Variants in EPRS1 observed in about 807,000 individuals in gnomAD.
The protein encoded by EPRS1 is glutamyl-prolyl-tRNA synthetase 1.
EPRS1 carries 107 observed loss-of-function variants against 188.3 expected under a neutral mutation model. That is an observed-to-expected ratio of 0.57 (90% confidence interval 0.49 to 0.67). The LOEUF (loss-of-function observed/expected upper bound fraction) is 0.67, where lower values mean the gene tolerates loss of function less well. Among genes scored for constraint, EPRS1 ranks in the 30% least tolerant of loss-of-function variants. The pLI is 0.00. For missense variants in EPRS1, 1,577 were observed against 1,802.2 expected, an observed-to-expected ratio of 0.88 and a Z score of 2.26; for synonymous variants, 596 against 593.1, an observed-to-expected ratio of 1.00 and a Z score of -0.07.
chr1:220,036,470 G>A (rs1275866564), intron 2 of EPRS1, among the ~76,000 whole-genome samples: 1 of 151,098 alleles, frequency 6.6e-6, no homozygotes, highest in East Asian at 1.9e-4. Flanking sequence ...AAGAAAATGT[G>A]GTACATATAT....
chr1:220,029,402 A>C (rs942958776), intron 6 of EPRS1, among the ~76,000 whole-genome samples: 4 of 152,220 alleles, frequency 2.6e-5, no homozygotes, highest in African/African-American at 9.6e-5. Flanking sequence ...GCAGAGACAA[A>C]ATGTGAAATT....
At chr1:220,003,711 C>T (rs1428485251) in intron 16 of EPRS1, among the ~76,000 whole-genome samples, 2 of 152,078 alleles carry the variant, frequency 1.3e-5, no homozygotes, top group African/African-American at 2.4e-5. Context: ...TTGGTGGTAC[C>T]ACCACCATTA....
intron 5 of EPRS1, among the ~76,000 whole-genome samples, chr1:220,030,869 A>T (rs4846612): frequency 0.16 from 23,979 of 152,132 alleles, 2,393 homozygotes; most frequent in Admixed American, 0.27. Flanking sequence ...AGGATGGCAG[A>T]TCACTTGAGG....
Position 219,980,876 on chromosome 1 carries a change from C to T in EPRS1, c.3454-19G>A, listed in dbSNP as rs764758195. On this transcript the variant is annotated intron_variant, in intron 24 of 31. Coordinates refer to ENST00000366923, the MANE Select transcript of EPRS1 (RefSeq NM_004446.3). ...CCCAACGCTGGAAGAGGCAAGAAAA[C>T]AATTTAGTCATTATAAAGAGCTTTT... is the stretch of plus-strand genomic sequence containing the variant. 5.2e-6 allele frequency: 8 copies of T among 1,547,612 alleles called. No homozygotes were observed. The East Asian group carries it at 6.8e-5, about 13-fold the overall frequency.
In EPRS1 at chr1:220,046,354, T is replaced by A. The variant is rs143379805; in HGVS notation, c.35A>T (p.Asp12Val). 9.9e-6 allele frequency: 16 copies of A among 1,613,790 alleles called. No individual in the cohort carries two copies. Among genetic ancestry groups the A allele is most frequent in the Non-Finnish European group, 1.4e-5 (16 of 1,179,964 alleles). Reference sequence around the variant, plus strand: ...TCTCGGCCCCTTACCTAGCGGAGGGTCTCCTGAATTCACGGTCAGAGAGAG... The same window carrying A: ...TCTCGGCCCCTTACCTAGCGGAGGGACTCCTGAATTCACGGTCAGAGAGAG... The part of the protein sequence containing the change: ...ATLSLTVNSG[D>V]PPLGALLAVE... The change falls in exon 1 of 32, where the codon GAC becomes GTC. Residue 12 changes from aspartate (D) to valine (V), a missense_variant. Asp to Val is a radical substitution (Grantham distance 152). This residue lies in a region of EPRS1 where 1,278 missense variants were observed against 1,457.4 expected (regional missense o/e 0.88). Transcript: ENST00000366923.
rs1039291059 is a variant in EPRS1, at chr1:220,010,909, A to G, written c.1605+37T>C. 4 of 1,207,924 alleles carry G rather than the reference A, an allele frequency of 3.3e-6. No individual in the cohort carries two copies. The African/African-American group carries it at 4.5e-5, about 14-fold the overall frequency. 74.8% of individuals were successfully genotyped at this position (1,207,924 alleles called of 1,614,324 possible). A position where few individuals can be genotyped will look rare whatever the true frequency, so the allele number is the denominator to read the frequency against. On this transcript the variant is annotated intron_variant, in intron 13 of 31. Transcript: ENST00000366923. ...TTTTTATTTCCTGCTCCTTCTTTTA[A>G]CAGAGAGAAACACATTGGTGAAACT...
intron 3 of EPRS1, 146 bp downstream of exon 3, chr1:220,034,768 A>G: frequency 1.6e-6 from 1 of 608,822 alleles, no homozygotes; most frequent in Non-Finnish European, 2.9e-6. Flanking sequence ...AAACAAGATG[A>G]GCATTCTGTA....
intron 1 of EPRS1, 122 bp downstream of exon 1, chr1:220,046,221 G>T: frequency 1.7e-6 from 2 of 1,183,402 alleles, no homozygotes; most frequent in South Asian, 1.4e-5. Flanking sequence ...TGGGGCGAGG[G>T]GCAGGTCCAA....
intron 12 of EPRS1, among the ~76,000 whole-genome samples, chr1:220,013,741 G>T (rs1266330311): frequency 3.3e-5 from 5 of 152,288 alleles, no homozygotes; most frequent in Admixed American, 2.6e-4. Context: ...AATAAGAGGG[G>T]TATGTACCTC....
chr1:219,976,655 A>AT (rs1318794180), intron 28 of EPRS1, among the ~76,000 whole-genome samples: 3 of 152,158 alleles, frequency 2.0e-5, no homozygotes, highest in African/African-American at 7.2e-5. Context: ...TGATAAAAAA[A>AT]TTTTACAACC....
chr1:219,981,531 G>C (rs1660899954), intron 23 of EPRS1, 74 bp from the exon 24 acceptor site: 1 of 762,164 alleles, frequency 1.3e-6, no homozygotes, highest in African/African-American at 1.8e-5. Context: ...AGCTAAACCA[G>C]CAAGATAATT....
chr1:220,018,588 T>TGGA, intron 11 of EPRS1, 80 bp from the exon 12 acceptor site: 1 of 575,638 alleles, frequency 1.7e-6, no homozygotes, highest in Non-Finnish European at 2.7e-6. Flanking sequence ...TAAGCATGTT[T>TGGA]AGAAAAAAAA....
intron 12 of EPRS1, among the ~76,000 whole-genome samples, chr1:220,015,536 GAAAGGGA>G (rs1364414474): frequency 6.6e-6 from 1 of 151,890 alleles, no homozygotes; most frequent in Non-Finnish European, 1.5e-5. Context: ...AAGGGAAAGG[GAAAGGGA>G]AAGGGAGAGA....
intron 7 of EPRS1, among the ~76,000 whole-genome samples, 163 bp from the exon 8 acceptor site, chr1:220,024,619 A>G (rs1158952215): frequency 6.6e-6 from 1 of 152,218 alleles, no homozygotes; most frequent in South Asian, 2.1e-4. Context: ...AAAAGAAAAA[A>G]CAGATAGATA....
intron 28 of EPRS1, among the ~76,000 whole-genome samples, chr1:219,975,485 G>T (rs1660759554): frequency 6.6e-6 from 1 of 152,182 alleles, no homozygotes; most frequent in Non-Finnish European, 1.5e-5. Flanking sequence ...CACCCAGGCA[G>T]GAGTGCAATG....
Position 219,980,213 on chromosome 1 carries a change from G to T in EPRS1, c.3583C>A (p.Gln1195Lys). Residue 1195 changes from glutamine to lysine, a missense_variant, in exon 26 of 32, where the codon CAG becomes AAG. Physicochemically the swap from Gln to Lys is moderately conservative, Grantham distance 53 (BLOSUM62 1). Around this residue, in one of 3 missense-constraint regions of EPRS1, gnomAD observed 1,278 missense variants for 1,457.4 expected, o/e 0.88. Transcript: ENST00000366923. ...EVLQILDLYA[Q>K]VYEELLAIPV... Reference sequence around the variant, plus strand: ...ATTGCCAGGAGTTCTTCATATACCTGAGCATATAAGTCAAGTATCTGCAAG... The same window carrying T: ...ATTGCCAGGAGTTCTTCATATACCTTAGCATATAAGTCAAGTATCTGCAAG... 6.2e-7 allele frequency: 1 copy of T among 1,612,552 alleles called. No individual in the cohort carries two copies. Among genetic ancestry groups the T allele is most frequent in the Non-Finnish European group, 8.5e-7 (1 of 1,179,144 alleles).
At chr1:220,016,346 A>G (rs1275214829) in intron 12 of EPRS1, among the ~76,000 whole-genome samples, 1 of 151,410 alleles carries the variant, frequency 6.6e-6, no homozygotes, top group East Asian at 1.9e-4. Flanking sequence ...TCCGCTACAA[A>G]AAGAAAAAGA....
rs567676410 is a variant in EPRS1 at position 220,015,871 on chromosome 1, C to T, written c.1494+2578G>A. On this transcript the variant is annotated intron_variant, in intron 12 of 31. Transcript: ENST00000366923. ...TTACAGAATAAAAGCAAAGGGAATC[C>T]CTAGGAAGATGCTGAAGAGACCTAG... Among the ~76,000 whole-genome samples, 5 of 152,032 alleles carry T rather than the reference C, an allele frequency of 3.3e-5. No homozygotes were observed. The South Asian group carries it at 1.0e-3, about 32-fold the overall frequency.
At position 219,988,727 on chromosome 1, in the gene EPRS1, A is replaced by C; in HGVS notation, c.2638T>G (p.Ser880Ala). ...GTTGGGCTTGAATCCGAACTTTGAG[A>C]TAATGGGGGCTGACCAGGTATGTAC... is the stretch of plus-strand genomic sequence containing the variant. Reference protein sequence around the residue: ...KEYIPGQPPLSQSSDSSPTRN... With the variant: ...KEYIPGQPPLAQSSDSSPTRN... Residue 880 changes from serine to alanine, a missense_variant, in exon 19 of 32, where the codon TCT (serine) becomes GCT (alanine). Transcript: ENST00000366923. The C allele has an allele frequency of 6.2e-7, 1 of 1,613,932 alleles. No individual in the cohort carries two copies. Among genetic ancestry groups the C allele is most frequent in the East Asian group, 2.2e-5 (1 of 44,876 alleles).
Sources: allele counts gnomAD v4.1 joint callset (sites outside exome capture counted in the v4.1 genomes callset), GRCh38; gene constraint gnomAD v4.1.1; regional missense constraint gnomAD v4.1.1; transcripts MANE v1.5; gene names NCBI Gene and HGNC (gene_info 2026-07-23, HGNC 2026-07-21).